The following LPCAT1 variants were observed in gnomAD, a reference collection of about 807,000 sequenced individuals.
The protein encoded by LPCAT1 is lysophosphatidylcholine acyltransferase 1, also known as 1-acylglycerol-3-phosphate O-acyltransferase.
A neutral mutation model predicts 60.9 loss-of-function variants in LPCAT1; 23 were observed. The observed-to-expected ratio is 0.38, with a 90% CI of 0.27 to 0.53. The LOEUF (loss-of-function observed/expected upper bound fraction) is 0.53, where lower values mean the gene tolerates loss of function less well. LPCAT1 is among the 20% of genes least tolerant of loss of function. The pLI, the probability that LPCAT1 is intolerant of heterozygous loss-of-function variation, is 0.82. For missense variants in LPCAT1, 622 were observed against 723.6 expected, an observed-to-expected ratio of 0.86 and a Z score of 1.61; for synonymous variants, 340 against 301.1, an observed-to-expected ratio of 1.13 and a Z score of -1.34.
chr5:1,484,627 G>A (rs1050560136), intron 5 of LPCAT1, among the ~76,000 whole-genome samples: 2 of 152,188 alleles, frequency 1.3e-5, no homozygotes, highest in African/African-American at 4.8e-5. Context: ...TTGCCCCTAG[G>A]GCTGCCAGGA....
In LPCAT1 at chr5:1,473,999, G is replaced by C. The variant is rs375128073; in HGVS notation, c.1137C>G (p.Pro379=). ...IAEFAASLEV[P]VSDLLEDMFS... The stretch of plus-strand genomic sequence containing the variant: ...ACATGTCTTCCAGCAAGTCAGAAAC[G>C]GGGACTTCCAGGGAGGCGGCAAACT... The change falls in exon 11 of 14, where the codon CCC becomes CCG. Residue 379 remains proline, a synonymous_variant. Transcript: ENST00000283415. The C allele has an allele frequency of 7.4e-6, 12 of 1,614,036 alleles. No individual in the cohort carries two copies. The highest frequency in any genetic ancestry group is 7.6e-6 in the Non-Finnish European group (9 of 1,180,040).
intron 5 of LPCAT1, among the ~76,000 whole-genome samples, chr5:1,484,573 T>C (rs1225001952): frequency 2.0e-5 from 3 of 152,170 alleles, no homozygotes; most frequent in African/African-American, 4.8e-5. Flanking sequence ...CGGTTGGTCC[T>C]GGCTGCGGGA....
intron 5 of LPCAT1, among the ~76,000 whole-genome samples, chr5:1,484,224 G>A (rs564118490): frequency 7.9e-5 from 12 of 152,364 alleles, no homozygotes; most frequent in South Asian, 2.1e-4. Flanking sequence ...GCCACAGGCC[G>A]CAGAGGCTCA....
At chr5:1,494,104 C>T (rs988173246) in intron 3 of LPCAT1, among the ~76,000 whole-genome samples, 5 of 151,864 alleles carry the variant, frequency 3.3e-5, no homozygotes, top group East Asian at 2.0e-4. Context: ...AGTGAGCCCC[C>T]GGCTTTGGGG....
rs1365224752 is a variant in LPCAT1, at chr5:1,495,360, G to A, written c.279-446C>T. Among the ~76,000 whole-genome samples the A allele has an allele frequency of 1.3e-5, 2 of 151,986 alleles. No individual in the cohort carries two copies. Among genetic ancestry groups the A allele is most frequent in the Non-Finnish European group, 2.9e-5 (2 of 67,994 alleles). On this transcript the variant is annotated intron_variant, in intron 2 of 13. Coordinates refer to ENST00000283415, the MANE Select transcript of LPCAT1 (RefSeq NM_024830.5). The surrounding 1 kb of genome is among the most constrained non-coding windows in gnomAD (Gnocchi z 4.7). The stretch of plus-strand genomic sequence containing the variant: ...GGGGGGGCGCTCAGAGCTGAGGGCG[G>A]AAGCTGAGACCTGCGTGCGAACTTC...
rs141394444 is a variant in LPCAT1, at chr5:1,507,369, T to C, written c.136-5766A>G. 2.0e-5 allele frequency among the ~76,000 whole-genome samples: 3 copies of C among 152,368 alleles called. No homozygotes were observed. The East Asian group carries it at 5.8e-4, about 29-fold the overall frequency. ...GTGAGGGTTTATAGCATAATCCTAA[T>C]GAGGAACTTTGTCTGAAGTCTGAGG... is the stretch of plus-strand genomic sequence containing the variant. On this transcript the variant is annotated intron_variant, in intron 1 of 13. Coordinates refer to ENST00000283415, the MANE Select transcript of LPCAT1 (RefSeq NM_024830.5).
chr5:1,483,467 C>A lies in LPCAT1; in HGVS notation c.687G>T (p.Ala229=). 1 of 1,613,674 alleles carries A rather than the reference C, an allele frequency of 6.2e-7. No homozygotes were observed. The highest frequency in any genetic ancestry group is 8.5e-7 in the Non-Finnish European group (1 of 1,180,014). ...TFKPGAFIPG[A]PVQPVVLRYP... ...ATCGTAAAACCACAGGCTGGACGGG[C>A]GCTCCAGGGATGAATGCACCTGCCG... is the stretch of plus-strand genomic sequence containing the variant. The change falls in exon 6 of 14, where the codon GCG becomes GCT. Residue 229 remains alanine (A), a synonymous_variant. Coordinates refer to ENST00000283415, the MANE Select transcript of LPCAT1 (RefSeq NM_024830.5). This position sits in a 1 kb window ranked among gnomAD's most constrained non-coding sequence, Gnocchi z 9.2.
Position 1,522,952 on chromosome 5 carries a change from C to T in LPCAT1, c.135+758G>A, listed in dbSNP as rs934350800. Among the ~76,000 whole-genome samples the T allele has an allele frequency of 6.6e-6, 1 of 152,212 alleles. No homozygotes were observed. Among genetic ancestry groups the T allele is most frequent in the Non-Finnish European group, 1.5e-5 (1 of 68,032 alleles). On this transcript the variant is annotated intron_variant, in intron 1 of 13. Transcript: ENST00000283415. This position sits in a 1 kb window ranked among gnomAD's most constrained non-coding sequence, Gnocchi z 6.8. Reference sequence around the variant, plus strand: ...CACGACGCCCCCGGGTCTCCCCTCACCACTGTCCCATCGCAGGATCTCAGC... The same window carrying T: ...CACGACGCCCCCGGGTCTCCCCTCATCACTGTCCCATCGCAGGATCTCAGC...
chr5:1,515,142 C>T (rs548099639), intron 1 of LPCAT1, among the ~76,000 whole-genome samples: 1 of 151,094 alleles, frequency 6.6e-6, no homozygotes, highest in Admixed American at 6.6e-5. Flanking sequence ...CTACTCCGAA[C>T]TGGCCGCAGA....
rs988779880 is a variant in LPCAT1, at chr5:1,476,220, C to T, written c.899+1184G>A. On this transcript the variant is annotated intron_variant, in intron 9 of 13. Transcript: ENST00000283415. This position sits in a 1 kb window ranked among gnomAD's most constrained non-coding sequence, Gnocchi z 8.6. The stretch of plus-strand genomic sequence containing the variant: ...AAAGTAGCCAGTATTGGCAGCAGTC[C>T]GGAGCACAGGTGCTGGGCTTGGAGG... 1.2e-4 allele frequency among the ~76,000 whole-genome samples: 19 copies of T among 152,254 alleles called. No individual in the cohort carries two copies. The highest frequency in any genetic ancestry group is 3.4e-3 in the Middle Eastern group (1 of 294).
intron 1 of LPCAT1, among the ~76,000 whole-genome samples, chr5:1,517,942 C>T (rs372629262): frequency 6.6e-6 from 1 of 152,258 alleles, no homozygotes; most frequent in South Asian, 2.1e-4. Flanking sequence ...GCATTCTGAA[C>T]GCAGCTGTGG....
chr5:1,471,003 G>A, intron 11 of LPCAT1, 79 bp from the exon 12 acceptor site: 1 of 1,171,222 alleles, frequency 8.5e-7, no homozygotes, highest in Non-Finnish European at 1.2e-6. Flanking sequence ...ATGGGTGCTG[G>A]TGTTAATTAA....
chr5:1,517,728 G>T (rs887792691), intron 1 of LPCAT1, among the ~76,000 whole-genome samples: 2 of 151,934 alleles, frequency 1.3e-5, no homozygotes, highest in Non-Finnish European at 2.9e-5. Context: ...ATGGAAGCAA[G>T]TAGTGACCAT....
rs1364724935 is a variant in LPCAT1 at position 1,483,056 on chromosome 5, G to A, written c.726+372C>T. The stretch of plus-strand genomic sequence containing the variant: ...AACTGGGTACTGAAAGCTGCTGGGG[G>A]CCCTGGCCGGTGATGTGGGGTGGAG... On this transcript the variant is annotated intron_variant, in intron 6 of 13. Coordinates refer to ENST00000283415, the MANE Select transcript of LPCAT1 (RefSeq NM_024830.5). This position sits in a 1 kb window ranked among gnomAD's most constrained non-coding sequence, Gnocchi z 9.2. Among the ~76,000 whole-genome samples the A allele has an allele frequency of 6.6e-6, 1 of 152,172 alleles. No individual in the cohort carries two copies.
chr5:1,472,981 T>G (rs1734747099), intron 11 of LPCAT1, among the ~76,000 whole-genome samples: 1 of 151,936 alleles, frequency 6.6e-6, no homozygotes, highest in Non-Finnish European at 1.5e-5. Flanking sequence ...TCCTGGGTGC[T>G]CCTCATCTTC....
chr5:1,466,447 C>T (rs901880057), intron 13 of LPCAT1, among the ~76,000 whole-genome samples: 3 of 152,174 alleles, frequency 2.0e-5, no homozygotes, highest in Non-Finnish European at 4.4e-5. Context: ...GTGCGGGTAT[C>T]CCCCACCTCC....
chr5:1,492,719 G>A (rs772607411), intron 3 of LPCAT1, among the ~76,000 whole-genome samples: 23 of 152,296 alleles, frequency 1.5e-4, no homozygotes, highest in Non-Finnish European at 2.8e-4. Context: ...GTGGAATCCC[G>A]GGCCTCTAGA....
chr5:1,509,989 A>G (rs1285944740), intron 1 of LPCAT1, among the ~76,000 whole-genome samples: 1 of 152,136 alleles, frequency 6.6e-6, no homozygotes, highest in Non-Finnish European at 1.5e-5. Flanking sequence ...CATTGGGAGG[A>G]ACATTTTATG....
At chr5:1,471,646 G>T (rs1235317816) in intron 11 of LPCAT1, among the ~76,000 whole-genome samples, 2 of 151,906 alleles carry the variant, frequency 1.3e-5, no homozygotes, top group African/African-American at 2.4e-5. Context: ...AGGAGTGGAG[G>T]GAGGACTCCC....
Sources: allele counts gnomAD v4.1 joint callset (sites outside exome capture counted in the v4.1 genomes callset), GRCh38; gene constraint gnomAD v4.1.1; non-coding constraint Gnocchi (gnomAD v3.1); transcripts MANE v1.5; gene names NCBI Gene and HGNC (gene_info 2026-07-23, HGNC 2026-07-21).